The following POU6F2 variants were observed in gnomAD, a reference collection of about 807,000 sequenced individuals.
POU6F2 encodes POU domain, class 6, transcription factor 2.
A neutral mutation model predicts 71.3 loss-of-function variants in POU6F2; 31 were observed. That is an observed-to-expected ratio of 0.43 (90% CI 0.33 to 0.59). The LOEUF (loss-of-function observed/expected upper bound fraction) is 0.59. Ranked by LOEUF, POU6F2 falls within the 20% of genes least tolerant of loss-of-function variation. The probability of loss-of-function intolerance (pLI) is 0.04; values close to 1 mark genes in which losing one functional copy is unlikely to be tolerated. For missense variants in POU6F2, 783 were observed against 856.8 expected (o/e 0.91, Z 1.07); for synonymous variants, 347 against 355.7 (o/e 0.98, Z 0.27).
At chr7:39,180,109 G>A (rs1461857370) in intron 2 of POU6F2, among the ~76,000 whole-genome samples, 4 of 152,158 alleles carry the variant, frequency 2.6e-5, no homozygotes. Context: ...TTTGAAGGAG[G>A]CTGGAGAGGC....
At chr7:39,230,952 C>T (rs1156300095) in intron 4 of POU6F2, among the ~76,000 whole-genome samples, 1 of 152,140 alleles carries the variant, frequency 6.6e-6, no homozygotes, top group Non-Finnish European at 1.5e-5. Context: ...CCCTACTCCC[C>T]CAGGGTCACT....
chr7:39,103,787 G>A (rs545797809), intron 2 of POU6F2, among the ~76,000 whole-genome samples: 35 of 152,192 alleles, frequency 2.3e-4, no homozygotes, highest in African/African-American at 8.4e-4. Flanking sequence ...CCCCTGTACT[G>A]GTATGTTCAT....
intron 4 of POU6F2, among the ~76,000 whole-genome samples, chr7:39,253,998 T>C (rs1010040857): frequency 6.6e-6 from 1 of 152,142 alleles, no homozygotes; most frequent in Non-Finnish European, 1.5e-5. Flanking sequence ...TTAAGGGCCA[T>C]TGGAAAATCA....
chr7:39,051,084 T>G (rs9987012), intron 1 of POU6F2, among the ~76,000 whole-genome samples: 124,973 of 152,086 alleles, frequency 0.82, 51,755 homozygotes, highest in East Asian at 1. Context: ...AGCCTATGCT[T>G]CAGGACACCT....
At chr7:39,316,484 C>T (rs1785271088) in intron 4 of POU6F2, among the ~76,000 whole-genome samples, 1 of 152,188 alleles carries the variant, frequency 6.6e-6, no homozygotes. Flanking sequence ...CCTGAGCCCC[C>T]TGAGTTTTCA....
chr7:39,181,532 C>G (rs1365413043), intron 2 of POU6F2, among the ~76,000 whole-genome samples: 1 of 152,200 alleles, frequency 6.6e-6, no homozygotes, highest in Non-Finnish European at 1.5e-5. Context: ...GAATAGGGAA[C>G]AGATATATCT....
At chr7:39,251,867 T>G (rs1783925207) in intron 4 of POU6F2, among the ~76,000 whole-genome samples, 1 of 152,144 alleles carries the variant, frequency 6.6e-6, no homozygotes, top group Admixed American at 6.5e-5. Flanking sequence ...CTTTCTTCCC[T>G]CCTTTGACCA....
intron 5 of POU6F2, among the ~76,000 whole-genome samples, chr7:39,365,029 G>T (rs975593435): frequency 1.3e-5 from 2 of 152,042 alleles, no homozygotes; most frequent in Non-Finnish European, 2.9e-5. Flanking sequence ...ATGATGTTAA[G>T]CATTTTTTCA....
intron 4 of POU6F2, among the ~76,000 whole-genome samples, chr7:39,300,816 T>C (rs1784937392): frequency 6.6e-6 from 1 of 151,746 alleles, no homozygotes; most frequent in Non-Finnish European, 1.5e-5. Flanking sequence ...TCTGTCCTCT[T>C]TAAAGATCCT....
chr7:39,386,072 CGCACCACT>C (rs1786933494), intron 5 of POU6F2, among the ~76,000 whole-genome samples: 1 of 149,716 alleles, frequency 6.7e-6, no homozygotes, highest in African/African-American at 2.5e-5. Flanking sequence ...GAGCTGAGAT[CGCACCACT>C]GCACTCCAGC....
At chr7:39,007,519 G>C (rs983374364) in intron 1 of POU6F2, among the ~76,000 whole-genome samples, 1 of 152,074 alleles carries the variant, frequency 6.6e-6, no homozygotes, top group African/African-American at 2.4e-5. Context: ...TTTTAAATTA[G>C]ATATGTACTT....
chr7:39,288,355 C>T (rs1784689372), intron 4 of POU6F2, among the ~76,000 whole-genome samples: 2 of 152,192 alleles, frequency 1.3e-5, no homozygotes, highest in African/African-American at 4.8e-5. Flanking sequence ...TCAACATCCT[C>T]AGCTGTCACA....
At chr7:39,448,365 G>T (rs1308285474) in intron 7 of POU6F2, among the ~76,000 whole-genome samples, 5 of 152,114 alleles carry the variant, frequency 3.3e-5, no homozygotes, top group Non-Finnish European at 7.4e-5. Context: ...TAATCTTCTT[G>T]ATCCTTGACA....
rs1231742181 is a variant in POU6F2 at position 39,464,017 on chromosome 7, G to A, written c.1659-165G>A. On this transcript the variant is annotated intron_variant, in intron 9 of 9. Coordinates refer to ENST00000518318, the MANE Select transcript of POU6F2 (RefSeq NM_001370959.1). This position sits in a 1 kb window ranked among gnomAD's most constrained non-coding sequence, Gnocchi z 4.1. ...TGTGGTTTGCATGGTCTGGCATGGA[G>A]CACGCTGGGAGGGTGGGCGCTGGCT... 1.3e-5 allele frequency among the ~76,000 whole-genome samples: 2 copies of A among 152,214 alleles called. No homozygotes were observed. The highest frequency in any genetic ancestry group is 2.9e-5 in the Non-Finnish European group (2 of 68,046).
At chr7:39,283,181 G>A (rs573216879) in intron 4 of POU6F2, among the ~76,000 whole-genome samples, 5 of 152,116 alleles carry the variant, frequency 3.3e-5, no homozygotes, top group Admixed American at 6.5e-5. Context: ...GATTTTTGGT[G>A]GAGTCTTAAA....
chr7:38,985,906 T>C (rs1396753127), intron 1 of POU6F2, among the ~76,000 whole-genome samples: 2 of 152,150 alleles, frequency 1.3e-5, no homozygotes, highest in Non-Finnish European at 2.9e-5. Context: ...AATATATTAA[T>C]CCTCAATTCA....
At chr7:39,442,456 C>T (rs1417295590) in intron 7 of POU6F2, among the ~76,000 whole-genome samples, 1 of 152,184 alleles carries the variant, frequency 6.6e-6, no homozygotes, top group East Asian at 1.9e-4. Context: ...ACTTTGTCTT[C>T]TCACTCAAAA....
intron 4 of POU6F2, among the ~76,000 whole-genome samples, chr7:39,275,231 A>T (rs1293890976): frequency 6.6e-6 from 1 of 151,934 alleles, no homozygotes; most frequent in Non-Finnish European, 1.5e-5. Flanking sequence ...ATGTACAAAA[A>T]TCACAAGCAT....
rs1224166286 is a variant in POU6F2 at position 39,026,445 on chromosome 7, T to C, written c.105+48387T>C. 2.0e-5 allele frequency among the ~76,000 whole-genome samples: 3 copies of C among 152,074 alleles called. No homozygotes were observed. In the East Asian group the frequency reaches 5.8e-4, roughly 29 times the overall value. On this transcript the variant is annotated intron_variant, in intron 1 of 9. Coordinates refer to ENST00000518318, the MANE Select transcript of POU6F2 (RefSeq NM_001370959.1). ...ATAAAAAATGATGAGTTCATGTCCT[T>C]TGTAGGGACATGGATGAAATTGGAA...
Sources: gnomAD v4.1 joint callset for allele counts (sites outside exome capture counted in the v4.1 genomes callset) on GRCh38, gnomAD v4.1.1 for gene constraint, Gnocchi (gnomAD v3.1) non-coding constraint, MANE v1.5 for transcripts, NCBI Gene and HGNC (gene_info 2026-07-23, HGNC 2026-07-21) for gene names.